Variants in USP34 observed in about 807,000 individuals in gnomAD.
USP34 encodes the protein ubiquitin specific peptidase 34, also known as ubiquitin carboxyl-terminal hydrolase 34.
USP34 carries 70 observed loss-of-function variants against 460.3 expected under a neutral mutation model. That is an observed-to-expected ratio of 0.15 (90% CI 0.13 to 0.19). USP34 has a LOEUF of 0.19. Ranked by LOEUF, USP34 falls within the 10% of genes least tolerant of loss-of-function variation. USP34 has a pLI of 1.00. For synonymous variants in USP34, 1,647 were observed against 1,405.3 expected, an observed-to-expected ratio of 1.17 and a Z score of -3.85; for missense variants, 3,985 against 4,236.2, an observed-to-expected ratio of 0.94 and a Z score of 1.65.
chr2:61,224,345 C>G (rs1400857120), intron 62 of USP34, among the ~76,000 whole-genome samples: 1 of 152,158 alleles, frequency 6.6e-6, no homozygotes, highest in Non-Finnish European at 1.5e-5. Flanking sequence ...TTCTCTGTCC[C>G]TGCATTTTCT....
chr2:61,284,998 A>G (rs750055748), intron 34 of USP34, 41 bp from the exon 35 acceptor site: 16 of 1,513,330 alleles, frequency 1.1e-5, no homozygotes, highest in East Asian at 9.3e-5. Context: ...TAAATACAGC[A>G]AAAGGAAAAC....
chr2:61,245,349 C>G (rs530851080), intron 50 of USP34, 61 bp from the exon 51 acceptor site: 1 of 994,240 alleles, frequency 1.0e-6, no homozygotes, highest in African/African-American at 1.7e-5. Flanking sequence ...CATATTATGT[C>G]TACTATTTTT....
chr2:61,442,102 C>T (rs1024676038), intron 1 of USP34, among the ~76,000 whole-genome samples: 7 of 151,994 alleles, frequency 4.6e-5, no homozygotes, highest in African/African-American at 1.7e-4. Context: ...ACCCTCACTC[C>T]TCTACATAAA....
At chr2:61,399,714 C>A (rs1403246678) in intron 3 of USP34, among the ~76,000 whole-genome samples, 1 of 151,430 alleles carries the variant, frequency 6.6e-6, no homozygotes, top group African/African-American at 2.4e-5. Flanking sequence ...CTACTAAAAA[C>A]ACAAAAAAAT....
Position 61,187,795 on chromosome 2 carries a change from T to G in USP34, c.*307A>C. 6.2e-6 allele frequency: 5 copies of G among 809,302 alleles called. No individual in the cohort carries two copies. The highest frequency in any genetic ancestry group is 8.0e-6 in the Non-Finnish European group (5 of 625,252). The allele number at this position is 809,302 out of a possible 1,614,324, so 50.1% of individuals were successfully genotyped here. A position where few individuals can be genotyped will look rare whatever the true frequency, so the allele number is the denominator to read the frequency against. ...CAGTAAAAATGCTGTAAGTTTAAAT[T>G]ACATTGTACAGGGCTAGGCAACCCT... On this transcript the variant is annotated 3_prime_UTR_variant, in exon 80 of 80. Coordinates refer to ENST00000398571, the MANE Select transcript of USP34 (RefSeq NM_014709.4).
intron 29 of USP34, among the ~76,000 whole-genome samples, chr2:61,298,712 A>G (rs1363041938): frequency 6.6e-6 from 1 of 151,936 alleles, no homozygotes; most frequent in Non-Finnish European, 1.5e-5. Flanking sequence ...ACAAACATCT[A>G]AATTTTGTTT....
intron 48 of USP34, among the ~76,000 whole-genome samples, chr2:61,249,511 C>A (rs1412746504): frequency 1.3e-5 from 2 of 152,190 alleles, no homozygotes; most frequent in Non-Finnish European, 2.9e-5. Flanking sequence ...CTGCAGGTAA[C>A]AAACTGCAGA....
chr2:61,317,616 G>A (rs1453471355), intron 23 of USP34, 38 bp downstream of exon 23: 1 of 1,516,722 alleles, frequency 6.6e-7, no homozygotes. Context: ...CTAATTTGAG[G>A]AATAAAGTTG....
chr2:61,340,491 G>C lies in USP34; in HGVS notation c.2501-810C>G, dbSNP rs551885014. On this transcript the variant is annotated intron_variant, in intron 16 of 79. Coordinates refer to ENST00000398571, the MANE Select transcript of USP34 (RefSeq NM_014709.4). Reference sequence around the variant, plus strand: ...GAAAACTGCTGAAAAGATTTCCAAAGAGGCTGTGCCCTTTTACATTCCCAT... The same window carrying C: ...GAAAACTGCTGAAAAGATTTCCAAACAGGCTGTGCCCTTTTACATTCCCAT... 4.6e-4 allele frequency among the ~76,000 whole-genome samples: 70 copies of C among 152,292 alleles called. 1 individual carries two copies. Among genetic ancestry groups the C allele is most frequent in the African/African-American group, 1.4e-3 (58 of 41,558 alleles).
chr2:61,423,885 A>C (rs1360500206), intron 1 of USP34, among the ~76,000 whole-genome samples: 2 of 152,228 alleles, frequency 1.3e-5, no homozygotes, highest in African/African-American at 4.8e-5. Flanking sequence ...TGAGTCCAGA[A>C]GTTCAACGCT....
At chr2:61,223,226 C>G in intron 63 of USP34, 22 bp downstream of exon 63, 1 of 1,613,818 alleles carries the variant, frequency 6.2e-7, no homozygotes, top group Non-Finnish European at 8.5e-7. Context: ...ATCAAATTGT[C>G]TAATATTAGA....
At chr2:61,439,090 C>T (rs1351824592) in intron 1 of USP34, among the ~76,000 whole-genome samples, 13 of 152,120 alleles carry the variant, frequency 8.5e-5, no homozygotes, top group Non-Finnish European at 7.4e-5. Context: ...AAAAGTCTAA[C>T]AGGAATAAAT....
At chr2:61,395,081 A>T in intron 4 of USP34, 79 bp from the exon 5 acceptor site, 1 of 1,473,734 alleles carries the variant, frequency 6.8e-7, no homozygotes, top group Non-Finnish European at 9.1e-7. Flanking sequence ...AAAGATACTG[A>T]TGAGAAACTC....
At chr2:61,378,090 C>T (rs1692849472) in intron 8 of USP34, among the ~76,000 whole-genome samples, 1 of 152,124 alleles carries the variant, frequency 6.6e-6, no homozygotes, top group Non-Finnish European at 1.5e-5. Flanking sequence ...GGAGGATCAC[C>T]TGACCCTGGG....
Position 61,295,175 on chromosome 2 carries a change from T to G in USP34, c.4370A>C (p.Glu1457Ala). The G allele has an allele frequency of 6.2e-7, 1 of 1,609,924 alleles. No individual in the cohort carries two copies. The highest frequency in any genetic ancestry group is 8.5e-7 in the Non-Finnish European group (1 of 1,178,872). Residue 1457 changes from glutamate (E) to alanine (A), a missense_variant, in exon 31 of 80, where the codon GAG becomes GCG. Physicochemically the swap from Glu to Ala is moderately radical, Grantham distance 107. This residue lies in a region of USP34 where 1,114 missense variants were observed against 1,122.5 expected (regional missense o/e 0.99). Coordinates refer to ENST00000398571, the MANE Select transcript of USP34 (RefSeq NM_014709.4). Reference sequence around the variant, plus strand: ...TAATGGAAATGCAATTACCGTAGACTCCCTCCTTATTCTTCTATTAGGTTT... The same window carrying G: ...TAATGGAAATGCAATTACCGTAGACGCCCTCCTTATTCTTCTATTAGGTTT... ...LGKPNRRIRR[E>A]STGSYSDLYP...
chr2:61,275,924 T>C (rs895927576), intron 41 of USP34, among the ~76,000 whole-genome samples: 1 of 151,930 alleles, frequency 6.6e-6, no homozygotes, highest in Non-Finnish European at 1.5e-5. Context: ...AGTAAAAAAA[T>C]AGTAATAATA....
intron 1 of USP34, among the ~76,000 whole-genome samples, chr2:61,457,703 A>G (rs1035301076): frequency 6.6e-6 from 1 of 152,118 alleles, no homozygotes; most frequent in African/African-American, 2.4e-5. Flanking sequence ...TCCCAAATAA[A>G]TAAGCAAGCA....
intron 1 of USP34, among the ~76,000 whole-genome samples, chr2:61,465,501 TA>T (rs1236978459): frequency 3.3e-5 from 5 of 152,242 alleles, no homozygotes; most frequent in Non-Finnish European, 7.3e-5. Context: ...TGTGCATATC[TA>T]ATACAAAGCT....
chr2:61,375,366 T>C (rs557175266), intron 8 of USP34, among the ~76,000 whole-genome samples: 2 of 152,256 alleles, frequency 1.3e-5, no homozygotes, highest in African/African-American at 4.8e-5. Context: ...GGTAAACTAA[T>C]CATATAAGCA....
Sources: gnomAD v4.1 joint callset for allele counts (sites outside exome capture counted in the v4.1 genomes callset) on GRCh38, gnomAD v4.1.1 for gene constraint, gnomAD v4.1.1 regional missense constraint, MANE v1.5 for transcripts, NCBI Gene and HGNC (gene_info 2026-07-23, HGNC 2026-07-21) for gene names.